The following UGT2B7 variants were observed in gnomAD, a reference collection of about 807,000 sequenced individuals.
UGT2B7 encodes the protein UDP glucuronosyltransferase family 2 member B7.
A neutral mutation model predicts 51.9 loss-of-function variants in UGT2B7; 51 were observed. That is an observed-to-expected ratio of 0.98 (90% CI 0.78 to 1.24). UGT2B7 has a LOEUF of 1.24. Among genes scored for constraint, UGT2B7 ranks in the 50% most tolerant of loss-of-function variants. The pLI, the probability that UGT2B7 is intolerant of heterozygous loss-of-function variation, is 0.00. For missense variants in UGT2B7, 727 were observed against 628.4 expected (o/e 1.16, Z -1.68); for synonymous variants, 225 against 211.6 (o/e 1.06, Z -0.55).
rs566851514 is a variant in UGT2B7, at chr4:69,055,213, A to T, written c.-159+3611A>T. The stretch of plus-strand genomic sequence containing the variant: ...GCATGAGATAAGATGTGGTTCTCTA[A>T]ATTGAAAAACTAGTTACACAGTAAA... On this transcript the variant is annotated intron_variant, in intron 1 of 5. Coordinates refer to the UGT2B7 transcript ENST00000502942. 5.9e-5 allele frequency among the ~76,000 whole-genome samples: 9 copies of T among 151,396 alleles called. No individual in the cohort carries two copies. In the East Asian group the frequency reaches 1.7e-3, roughly 29 times the overall value.
At chr4:69,101,838 C>T (rs1047089829) in intron 2 of UGT2B7, among the ~76,000 whole-genome samples, 2 of 152,136 alleles carry the variant, frequency 1.3e-5, no homozygotes, top group African/African-American at 2.4e-5. Flanking sequence ...AGCACATCTT[C>T]ACTAGGAATG....
intron 1 of UGT2B7, among the ~76,000 whole-genome samples, chr4:69,070,148 CTCAG>C (rs1471074427): frequency 2.7e-5 from 4 of 150,262 alleles, no homozygotes; most frequent in Non-Finnish European, 5.9e-5. Flanking sequence ...TCACTAGAAA[CTCAG>C]TCTGTTTACT....
chr4:69,052,338 A>T (rs1560495566), intron 1 of UGT2B7, among the ~76,000 whole-genome samples: 1 of 152,042 alleles, frequency 6.6e-6, no homozygotes, highest in Non-Finnish European at 1.5e-5. Flanking sequence ...ACCAGCAGAG[A>T]GAAAAAAAAG....
intron 1 of UGT2B7, among the ~76,000 whole-genome samples, chr4:69,057,500 ACCATATGATGCAGCAAT>A (rs1205822403): frequency 3.9e-5 from 6 of 152,254 alleles, no homozygotes; most frequent in Non-Finnish European, 8.8e-5. Flanking sequence ...ACGTAAGATT[ACCATATGATGCAGCAAT>A]CCCTCTTCTG....
At chr4:69,056,984 G>C (rs1718218986) in intron 1 of UGT2B7, among the ~76,000 whole-genome samples, 1 of 152,294 alleles carries the variant, frequency 6.6e-6, no homozygotes, top group Non-Finnish European at 1.5e-5. Context: ...AACCAGCCCT[G>C]GGCCTGCCTG....
chr4:69,063,124 C>A (rs964146604), intron 1 of UGT2B7, among the ~76,000 whole-genome samples: 1 of 151,472 alleles, frequency 6.6e-6, no homozygotes, highest in Non-Finnish European at 1.5e-5. Flanking sequence ...TCGAGACCAT[C>A]CCGGCTAAAA....
chr4:69,095,519 G>A (rs1455841039), upstream of UGT2B7, among the ~76,000 whole-genome samples: 2 of 152,148 alleles, frequency 1.3e-5, no homozygotes, highest in African/African-American at 4.8e-5. Context: ...ATTTCATAAT[G>A]TTTAAGTTAA....
chr4:69,102,851 G>A lies in UGT2B7; in HGVS notation c.915G>A (p.Val305=), dbSNP rs1560510608. 7.4e-6 allele frequency: 12 copies of A among 1,613,486 alleles called. No homozygotes were observed. The East Asian group carries it at 2.7e-4, about 36-fold the overall frequency. Reference sequence around the variant, plus strand: ...AGAGCTCTGGAGAAAATGGTGTTGTGGTGTTTTCTCTGGGGTCAATGGTCA... The same window carrying A: ...AGAGCTCTGGAGAAAATGGTGTTGTAGTGTTTTCTCTGGGGTCAATGGTCA... ...FVQSSGENGV[V]VFSLGSMVSN... Residue 305 remains valine (V), a synonymous_variant, in exon 3 of 6, where the codon GTG becomes GTA. Coordinates refer to ENST00000305231, the MANE Select transcript of UGT2B7 (RefSeq NM_001074.4).
At chr4:69,063,600 T>C (rs1402746063) in intron 1 of UGT2B7, among the ~76,000 whole-genome samples, 1 of 152,082 alleles carries the variant, frequency 6.6e-6, no homozygotes, top group East Asian at 1.9e-4. Flanking sequence ...ATGTGGAAAG[T>C]TGAGCCTGAT....
intron 3 of UGT2B7, among the ~76,000 whole-genome samples, chr4:69,104,511 T>G (rs1013772126): frequency 1.7e-4 from 26 of 152,118 alleles, no homozygotes; most frequent in African/African-American, 6.3e-4. Context: ...AAAATTTAGC[T>G]GATGGGAAAG....
intron 1 of UGT2B7, among the ~76,000 whole-genome samples, chr4:69,074,004 T>C (rs577588916): frequency 2.0e-5 from 3 of 152,254 alleles, no homozygotes; most frequent in Admixed American, 1.3e-4. Flanking sequence ...TCTTGTTTTA[T>C]ATTAGTGACT....
chr4:69,058,788 C>A (rs776563331), intron 1 of UGT2B7, among the ~76,000 whole-genome samples: 1 of 152,102 alleles, frequency 6.6e-6, no homozygotes, highest in Non-Finnish European at 1.5e-5. Flanking sequence ...TAATCAAAGG[C>A]TTAAGAAAAA....
chr4:69,066,767 T>C (rs1384490329), intron 1 of UGT2B7, among the ~76,000 whole-genome samples: 1 of 152,076 alleles, frequency 6.6e-6, no homozygotes, highest in African/African-American at 2.4e-5. Context: ...TTTCAATAAT[T>C]TTCTGGGTTG....
Position 69,096,729 on chromosome 4 carries a change from C to T in UGT2B7, c.209C>T (p.Ser70Phe), listed in dbSNP as rs373587868. The change falls in exon 1 of 6, where the codon TCC (serine) becomes TTC (phenylalanine). Residue 70 changes from serine to phenylalanine, a missense_variant. By Grantham distance (155) the Ser-to-Phe change is radical. Transcript: ENST00000305231. Reference sequence around the variant, plus strand: ...ATTCTTTTTGATCCCAACAACTCATCCGCTCTTAAAATTGAAATTTATCCC... The same window carrying T: ...ATTCTTTTTGATCCCAACAACTCATTCGCTCTTAAAATTGAAATTTATCCC... The part of the protein sequence containing the change: ...ASILFDPNNS[S>F]ALKIEIYPTS... 5.6e-5 allele frequency: 90 copies of T among 1,613,874 alleles called. No individual in the cohort carries two copies. The highest frequency in any genetic ancestry group is 7.5e-5 in the Non-Finnish European group (89 of 1,179,928).
chr4:69,090,248 T>C (rs569650914), intron 2 of UGT2B7, among the ~76,000 whole-genome samples: 15 of 152,308 alleles, frequency 9.8e-5, no homozygotes, highest in African/African-American at 3.6e-4. Flanking sequence ...AAATGTAATG[T>C]TTAATTAAAG....
chr4:69,098,456 C>G, intron 1 of UGT2B7, 84 bp from the exon 2 acceptor site: 2 of 1,491,084 alleles, frequency 1.3e-6, no homozygotes, highest in South Asian at 2.6e-5. Context: ...TACATTTTTG[C>G]CTACATTATT....
upstream of UGT2B7, among the ~76,000 whole-genome samples, chr4:69,095,128 A>G (rs959225673): frequency 1.3e-5 from 2 of 152,198 alleles, no homozygotes; most frequent in Non-Finnish European, 2.9e-5. Flanking sequence ...TTACTGTCCA[A>G]TAATAGTCCA....
At chr4:69,099,987 A>G (rs537906673) in intron 2 of UGT2B7, among the ~76,000 whole-genome samples, 1 of 152,198 alleles carries the variant, frequency 6.6e-6, no homozygotes, top group East Asian at 1.9e-4. Context: ...ATTGCAGCGT[A>G]AAACACTTCC....
chr4:69,096,396 T>C (rs7668282), upstream of UGT2B7: 24,608 of 1,439,516 alleles, frequency 0.017, 922 homozygotes, highest in South Asian at 0.11. Context: ...GATTTAATGA[T>C]ATTGTATGTA....
Sources: allele counts gnomAD v4.1 joint callset (sites outside exome capture counted in the v4.1 genomes callset), GRCh38; gene constraint gnomAD v4.1.1; transcripts MANE v1.5; gene names NCBI Gene and HGNC (gene_info 2026-07-23, HGNC 2026-07-21).